OPCML: variants seen among roughly 807,000 people sequenced by gnomAD.
The protein encoded by OPCML is opioid-binding protein/cell adhesion molecule.
A neutral mutation model predicts 37.8 loss-of-function variants in OPCML; 13 were observed. The observed-to-expected ratio is 0.34, with a 90% CI of 0.22 to 0.55. The LOEUF is 0.55. Ranked by LOEUF, OPCML falls within the 20% of genes least tolerant of loss-of-function variation. The pLI, the probability that OPCML is intolerant of heterozygous loss-of-function variation, is 0.91. For missense variants in OPCML, 341 were observed against 435.6 expected (o/e 0.78, Z 1.93); for synonymous variants, 176 against 168.8 (o/e 1.04, Z -0.33).
intron 3 of OPCML, among the ~76,000 whole-genome samples, chr11:132,590,430 A>G (rs2096482498): frequency 6.6e-6 from 1 of 152,198 alleles, no homozygotes; most frequent in Non-Finnish European, 1.5e-5. Context: ...GAAGCAGATC[A>G]TTTAATCATC....
chr11:133,421,701 G>C (rs1945890504), intron 1 of OPCML: 1 of 984,460 alleles, frequency 1.0e-6, no homozygotes, highest in Admixed American at 6.2e-5. Flanking sequence ...TCCTTATTGT[G>C]TATTAAGGAA....
intron 2 of OPCML, among the ~76,000 whole-genome samples, chr11:132,746,283 T>C (rs1487474849): frequency 6.6e-6 from 1 of 151,890 alleles, no homozygotes; most frequent in Admixed American, 6.5e-5. Context: ...CTGGTTATTT[T>C]TGTTTTTATT....
intron 4 of OPCML, among the ~76,000 whole-genome samples, chr11:132,518,859 T>A (rs1167060393): frequency 5.9e-5 from 9 of 152,158 alleles, no homozygotes. Flanking sequence ...ATGCATTAAA[T>A]GAGTGAATGA....
chr11:133,390,120 T>C (rs1046737664), intron 1 of OPCML, among the ~76,000 whole-genome samples: 1 of 152,236 alleles, frequency 6.6e-6, no homozygotes, highest in African/African-American at 2.4e-5. Flanking sequence ...ATTCTAGAAC[T>C]TTATAATTTA....
chr11:132,831,319 T>C (rs1248125949), intron 2 of OPCML, among the ~76,000 whole-genome samples: 1 of 152,170 alleles, frequency 6.6e-6, no homozygotes, highest in Non-Finnish European at 1.5e-5. Context: ...TGAAAGGCAG[T>C]GATTCAACTC....
chr11:133,234,086 A>T (rs1940407650), intron 1 of OPCML, among the ~76,000 whole-genome samples: 2 of 152,230 alleles, frequency 1.3e-5, no homozygotes, highest in African/African-American at 4.8e-5. Context: ...TATCAACAAG[A>T]CAATGGGAGT....
intron 2 of OPCML, among the ~76,000 whole-genome samples, chr11:132,915,182 G>C (rs1319206171): frequency 6.6e-6 from 1 of 152,052 alleles, no homozygotes; most frequent in African/African-American, 2.4e-5. Flanking sequence ...CCTGTTTCTT[G>C]CTTGTGTGTA....
At chr11:133,104,146 G>A (rs1949124059) in intron 1 of OPCML, among the ~76,000 whole-genome samples, 1 of 152,250 alleles carries the variant, frequency 6.6e-6, no homozygotes, top group South Asian at 2.1e-4. Flanking sequence ...ACAGGTGAGA[G>A]CGCATGGATG....
At chr11:133,128,979 G>A (rs1949562704) in intron 1 of OPCML, among the ~76,000 whole-genome samples, 2 of 152,146 alleles carry the variant, frequency 1.3e-5, no homozygotes, top group South Asian at 4.1e-4. Context: ...CATCTTCGAG[G>A]CCCTGAACAT....
At chr11:132,701,762 T>TTG (rs34453558) in intron 2 of OPCML, among the ~76,000 whole-genome samples, 3,263 of 142,740 alleles carry the variant, frequency 0.023, 61 homozygotes, top group African/African-American at 0.054. Context: ...AATTTGATGA[T>TTG]TGTGTGTGTG....
At chr11:132,769,591 C>T (rs1323987701) in intron 2 of OPCML, among the ~76,000 whole-genome samples, 2 of 152,166 alleles carry the variant, frequency 1.3e-5, no homozygotes, top group Non-Finnish European at 2.9e-5. Flanking sequence ...TGCTCCTACC[C>T]TCAAAGTAGA....
At chr11:132,536,303 G>A (rs1389836691) in intron 3 of OPCML, among the ~76,000 whole-genome samples, 1 of 152,214 alleles carries the variant, frequency 6.6e-6, no homozygotes, top group Non-Finnish European at 1.5e-5. Context: ...GTATGTCAGA[G>A]TTAGAAAAAG....
intron 3 of OPCML, among the ~76,000 whole-genome samples, chr11:132,624,641 C>T (rs1181061386): frequency 6.6e-6 from 1 of 152,024 alleles, no homozygotes; most frequent in Non-Finnish European, 1.5e-5. Flanking sequence ...TAACTCCACT[C>T]GTTCTACCCA....
intron 1 of OPCML, among the ~76,000 whole-genome samples, chr11:133,525,415 C>T (rs774754523): frequency 1.2e-4 from 19 of 152,154 alleles, no homozygotes; most frequent in Non-Finnish European, 2.2e-4. Context: ...AGGCAGAGAG[C>T]TGGAGATGAA....
rs140359987 is a variant in OPCML at position 133,073,147 on chromosome 11, C to T, written c.62-130137G>A. On this transcript the variant is annotated intron_variant, in intron 1 of 7. Transcript: ENST00000524381. ...GACGGAGGGGGAAGAACACACCCTC[C>T]ATTTCTGCTTCCCCCATTAGTCATG... is the stretch of plus-strand genomic sequence containing the variant. Among the ~76,000 whole-genome samples, 506 of 152,302 alleles carry T rather than the reference C, an allele frequency of 3.3e-3. 1 individual carries two copies. Among genetic ancestry groups the T allele is most frequent in the African/African-American group, 0.011 (463 of 41,564 alleles).
At chr11:132,722,396 A>T (rs1944707215) in intron 2 of OPCML, among the ~76,000 whole-genome samples, 1 of 152,060 alleles carries the variant, frequency 6.6e-6, no homozygotes, top group Non-Finnish European at 1.5e-5. Flanking sequence ...AAAATGGTTG[A>T]TTCTTCTTCT....
intron 1 of OPCML, among the ~76,000 whole-genome samples, chr11:133,472,367 A>G (rs1947136858): frequency 6.6e-6 from 1 of 152,164 alleles, no homozygotes; most frequent in African/African-American, 2.4e-5. Context: ...TGCTGCTTAC[A>G]TGGTCCCAGT....
intron 2 of OPCML, among the ~76,000 whole-genome samples, chr11:132,678,515 T>C (rs1942806769): frequency 6.6e-6 from 1 of 152,188 alleles, no homozygotes; most frequent in African/African-American, 2.4e-5. Context: ...AGTAGGTGAG[T>C]GGATAAACTG....
intron 1 of OPCML, among the ~76,000 whole-genome samples, chr11:133,037,760 G>C (rs1462550761): frequency 1.3e-5 from 2 of 152,198 alleles, no homozygotes; most frequent in Admixed American, 6.5e-5. Flanking sequence ...TCAAAGAAGA[G>C]CAAGCTCATC....
Sources: allele counts gnomAD v4.1 joint callset (sites outside exome capture counted in the v4.1 genomes callset), GRCh38; gene constraint gnomAD v4.1.1; transcripts MANE v1.5; gene names NCBI Gene and HGNC (gene_info 2026-07-23, HGNC 2026-07-21).